SORCS2: variants seen among roughly 807,000 people sequenced by gnomAD.
SORCS2 encodes the protein VPS10 domain-containing receptor SorCS2.
SORCS2 carries 100 observed loss-of-function variants against 141.6 expected under a neutral mutation model. The ratio of observed to expected loss-of-function variants is 0.71; its 90% CI spans 0.60 to 0.83. The LOEUF is 0.83. SORCS2 is among the 40% of genes least tolerant of loss of function. The probability of loss-of-function intolerance (pLI) is 0.00; values close to 1 mark genes in which losing one functional copy is unlikely to be tolerated. For synonymous variants in SORCS2, 789 were observed against 676.9 expected (o/e 1.17, Z -2.57); for missense variants, 1,646 against 1,560.2 (o/e 1.05, Z -0.93).
At chr4:7,636,373 A>G (rs889965393) in intron 3 of SORCS2, among the ~76,000 whole-genome samples, 1 of 152,110 alleles carries the variant, frequency 6.6e-6, no homozygotes. Context: ...GAATGAGGGA[A>G]TGAATGAATG....
At chr4:7,400,461 C>CCCACCACCACCA (rs71173499) in intron 2 of SORCS2, among the ~76,000 whole-genome samples, 1 of 151,224 alleles carries the variant, frequency 6.6e-6, no homozygotes, top group Admixed American at 6.6e-5. Context: ...TATGGTTTGC[C>CCCACCACCACCA]CCACCACCAC....
intron 2 of SORCS2, among the ~76,000 whole-genome samples, chr4:7,421,379 T>C (rs1726037795): frequency 6.6e-6 from 1 of 152,222 alleles, no homozygotes; most frequent in Non-Finnish European, 1.5e-5. Context: ...GCTCTGCCTC[T>C]TGTTAACTGT....
At chr4:7,689,465 C>T (rs1438257779) in intron 10 of SORCS2, 21 bp from the exon 11 acceptor site, 3 of 1,570,602 alleles carry the variant, frequency 1.9e-6, no homozygotes, top group East Asian at 2.4e-5. Context: ...TTGACAGTTG[C>T]GTCCTTTCTC....
At chr4:7,325,723 A>G (rs1028992973) in intron 1 of SORCS2, among the ~76,000 whole-genome samples, 2 of 152,146 alleles carry the variant, frequency 1.3e-5, no homozygotes, top group Non-Finnish European at 2.9e-5. Context: ...GAGGGAATCA[A>G]GTGACTATGA....
rs1199642586 is a variant in SORCS2, at chr4:7,376,317, C to T, written c.481-19971C>T. The stretch of plus-strand genomic sequence containing the variant: ...ACTGGCTGGGCACGGTGGCTCATGC[C>T]TGTAATCCCAGCACTTTGGGAAGCC... On this transcript the variant is annotated intron_variant, in intron 1 of 26. Coordinates refer to ENST00000507866, the MANE Select transcript of SORCS2 (RefSeq NM_020777.3). 2.0e-5 allele frequency among the ~76,000 whole-genome samples: 3 copies of T among 151,696 alleles called. No homozygotes were observed. In the East Asian group the frequency reaches 5.8e-4, roughly 29 times the overall value.
intron 1 of SORCS2, among the ~76,000 whole-genome samples, chr4:7,281,188 C>T (rs1415461791): frequency 1.3e-5 from 2 of 152,076 alleles, no homozygotes; most frequent in Non-Finnish European, 2.9e-5. Flanking sequence ...TCTTGTCAGG[C>T]TCACTGATGG....
At chr4:7,263,843 C>G (rs1205861117) in intron 1 of SORCS2, among the ~76,000 whole-genome samples, 1 of 152,240 alleles carries the variant, frequency 6.6e-6, no homozygotes, top group Non-Finnish European at 1.5e-5. Context: ...GACGTGGACA[C>G]TGGTTCATCC....
intron 1 of SORCS2, among the ~76,000 whole-genome samples, chr4:7,332,581 A>G (rs575755130): frequency 5.9e-4 from 90 of 152,326 alleles, no homozygotes; most frequent in Non-Finnish European, 1.1e-3. Flanking sequence ...CAGCCCCATG[A>G]AGCAAAGCAT....
At chr4:7,692,564 C>G (rs1466795440) in intron 11 of SORCS2, among the ~76,000 whole-genome samples, 2 of 152,198 alleles carry the variant, frequency 1.3e-5, no homozygotes, top group Non-Finnish European at 2.9e-5. Context: ...GCCCCCATGC[C>G]AGGCACTGCA....
chr4:7,414,799 ATGT>A (rs948343187), intron 2 of SORCS2, among the ~76,000 whole-genome samples: 13 of 152,140 alleles, frequency 8.5e-5, no homozygotes, highest in African/African-American at 2.9e-4. Context: ...TCAAGGTTTT[ATGT>A]TGTTATTTTT....
intron 1 of SORCS2, among the ~76,000 whole-genome samples, chr4:7,306,527 G>T (rs1171279823): frequency 6.6e-6 from 1 of 152,202 alleles, no homozygotes; most frequent in East Asian, 1.9e-4. Context: ...CAGAACAGAG[G>T]GGCTGGGTTG....
At chr4:7,366,726 G>T (rs905447979) in intron 1 of SORCS2, among the ~76,000 whole-genome samples, 5 of 151,980 alleles carry the variant, frequency 3.3e-5, no homozygotes, top group African/African-American at 1.2e-4. Flanking sequence ...GTCACCATCA[G>T]ATGGCCTGTG....
intron 5 of SORCS2, among the ~76,000 whole-genome samples, chr4:7,657,737 T>TGG (rs1491275177): frequency 1.3e-5 from 2 of 151,244 alleles, no homozygotes; most frequent in Non-Finnish European, 2.9e-5. Flanking sequence ...AGTCTGTGAC[T>TGG]GTGAGTGAAT....
intron 1 of SORCS2, among the ~76,000 whole-genome samples, chr4:7,196,635 C>G (rs1417214946): frequency 6.7e-6 from 1 of 149,816 alleles, no homozygotes; most frequent in Admixed American, 6.7e-5. Context: ...TCCCCTCCCC[C>G]TTCCCTCTCC....
At chr4:7,277,703 G>T (rs1015202751) in intron 1 of SORCS2, among the ~76,000 whole-genome samples, 1 of 152,154 alleles carries the variant, frequency 6.6e-6, no homozygotes, top group Non-Finnish European at 1.5e-5. Flanking sequence ...GGGGGTGGCC[G>T]TCTGCCCTGG....
intron 2 of SORCS2, among the ~76,000 whole-genome samples, chr4:7,448,384 T>G (rs1577579243): frequency 6.6e-6 from 1 of 151,818 alleles, no homozygotes; most frequent in East Asian, 1.9e-4. Context: ...TTTGCCTGCC[T>G]GTCTTCCTCC....
intron 2 of SORCS2, among the ~76,000 whole-genome samples, chr4:7,412,072 C>T (rs540737174): frequency 3.9e-5 from 6 of 152,348 alleles, no homozygotes; most frequent in African/African-American, 1.4e-4. Context: ...GGCAGAAATG[C>T]AGCTGCTGGC....
intron 1 of SORCS2, among the ~76,000 whole-genome samples, chr4:7,386,205 GCACACACGCA>G (rs1462738117): frequency 2.0e-5 from 2 of 98,116 alleles, no homozygotes; most frequent in African/African-American, 9.0e-5. Flanking sequence ...ATACACATTT[GCACACACGCA>G]CACACATGCC....
chr4:7,215,828 C>T (rs59431322), intron 1 of SORCS2, among the ~76,000 whole-genome samples: 48,113 of 151,848 alleles, frequency 0.32, 8,323 homozygotes, highest in Non-Finnish European at 0.39. Flanking sequence ...CGTGGAGAAC[C>T]TTTGTATCTA....
Sources: gnomAD v4.1 joint callset for allele counts (sites outside exome capture counted in the v4.1 genomes callset) on GRCh38, gnomAD v4.1.1 for gene constraint, MANE v1.5 for transcripts, NCBI Gene and HGNC (gene_info 2026-07-23, HGNC 2026-07-21) for gene names.